PHF24: variants seen among roughly 807,000 people sequenced by gnomAD.
The protein encoded by PHF24 is PHD finger protein 24.
A neutral mutation model predicts 42.6 loss-of-function variants in PHF24; 25 were observed. The observed-to-expected ratio is 0.59, with a 90% CI of 0.43 to 0.82. The LOEUF (loss-of-function observed/expected upper bound fraction) is 0.82, where lower values mean the gene tolerates loss of function less well. PHF24 is among the 40% of genes least tolerant of loss of function. The pLI is 0.00. For synonymous variants in PHF24, 185 were observed against 204.8 expected, an observed-to-expected ratio of 0.90 and a Z score of 0.83; for missense variants, 470 against 538.1, an observed-to-expected ratio of 0.87 and a Z score of 1.25.
chr9:34,813,277 C>T, the PHF24 span, among the ~76,000 whole-genome samples: 92 of 152,282 alleles, frequency 6.0e-4, no homozygotes, highest in Non-Finnish European at 1.1e-3. Context: ...TGTTCAAATT[C>T]CATGCTACCC....
the PHF24 span, among the ~76,000 whole-genome samples, chr9:34,901,196 A>G: frequency 6.6e-6 from 1 of 152,230 alleles, no homozygotes; most frequent in African/African-American, 2.4e-5. Flanking sequence ...AATTCTACAT[A>G]AATTCTTTCA....
the PHF24 span, among the ~76,000 whole-genome samples, chr9:34,845,797 T>G: frequency 3.0e-5 from 4 of 134,866 alleles, no homozygotes; most frequent in Non-Finnish European, 6.1e-5. Flanking sequence ...CCCCTTCCTG[T>G]GTCCATGTGT....
chr9:34,907,093 C>T, the PHF24 span, among the ~76,000 whole-genome samples: 1 of 152,180 alleles, frequency 6.6e-6, no homozygotes, highest in Non-Finnish European at 1.5e-5. Context: ...TCCCAAAGGG[C>T]TAGGACTACA....
chr9:34,832,415 G>T, the PHF24 span: 1 of 1,251,828 alleles, frequency 8.0e-7, no homozygotes, highest in Middle Eastern at 1.9e-4. Context: ...GAAGCTTATT[G>T]TCTAGGGACT....
the PHF24 span, among the ~76,000 whole-genome samples, chr9:34,704,415 G>A: frequency 3.4e-3 from 525 of 152,302 alleles, 2 homozygotes; most frequent in African/African-American, 0.012. Flanking sequence ...GGAGTGAACC[G>A]GGAGAAGCAG....
chr9:34,929,966 T>A, the PHF24 span, among the ~76,000 whole-genome samples: 1 of 152,256 alleles, frequency 6.6e-6, no homozygotes, highest in African/African-American at 2.4e-5. Context: ...TGCTATTATA[T>A]TTGCATTTCA....
chr9:34,803,200 A>G, the PHF24 span, among the ~76,000 whole-genome samples: 4 of 152,158 alleles, frequency 2.6e-5, no homozygotes. Flanking sequence ...CCAGGTGGTG[A>G]CCCAGTATTA....
chr9:34,917,246 G>C, the PHF24 span: 1 of 1,212,578 alleles, frequency 8.2e-7, no homozygotes, highest in Non-Finnish European at 1.2e-6. Context: ...CTCAGGGTGA[G>C]AAAGTCCGGG....
At chr9:34,819,190 A>G in the PHF24 span, among the ~76,000 whole-genome samples, 1 of 151,872 alleles carries the variant, frequency 6.6e-6, no homozygotes, top group African/African-American at 2.4e-5. Context: ...TTTTTACTGG[A>G]TCAATCTGAC....
At chr9:34,896,415 C>T in the PHF24 span, among the ~76,000 whole-genome samples, 1 of 152,108 alleles carries the variant, frequency 6.6e-6, no homozygotes, top group Non-Finnish European at 1.5e-5. Flanking sequence ...CGTGGTCCAG[C>T]CTGAGATGGG....
the PHF24 span, among the ~76,000 whole-genome samples, chr9:34,873,580 C>G: frequency 6.6e-6 from 1 of 151,998 alleles, no homozygotes; most frequent in Non-Finnish European, 1.5e-5. Context: ...GTTTTGGTAA[C>G]AGTACCATGC....
the PHF24 span, among the ~76,000 whole-genome samples, chr9:34,909,656 C>G: frequency 6.7e-6 from 1 of 150,362 alleles, no homozygotes; most frequent in Non-Finnish European, 1.5e-5. Context: ...GAGTCTCGCT[C>G]TGTCGCCCAG....
At chr9:34,823,665 G>A in the PHF24 span, among the ~76,000 whole-genome samples, 1 of 152,106 alleles carries the variant, frequency 6.6e-6, no homozygotes, top group Non-Finnish European at 1.5e-5. Context: ...AAGCTTTGCT[G>A]GAGGTGGAAA....
chr9:34,719,877 G>C, the PHF24 span, among the ~76,000 whole-genome samples: 17 of 152,316 alleles, frequency 1.1e-4, no homozygotes, highest in African/African-American at 3.8e-4. Context: ...GTTGAATGTT[G>C]GTTCAGCAGG....
At chr9:34,931,375 C>CAAAAAAA in the PHF24 span, among the ~76,000 whole-genome samples, 21 of 82,504 alleles carry the variant, frequency 2.5e-4, no homozygotes, top group Middle Eastern at 7.9e-3. Context: ...GACTCTGTAT[C>CAAAAAAA]AAAAAAAAAA....
At chr9:34,814,257 G>GTTTT in the PHF24 span, among the ~76,000 whole-genome samples, 1 of 152,052 alleles carries the variant, frequency 6.6e-6, no homozygotes, top group Non-Finnish European at 1.5e-5. Flanking sequence ...GTTTTGTTTT[G>GTTTT]TCTTGTTTTT....
chr9:34,740,771 A>G, the PHF24 span, among the ~76,000 whole-genome samples: 2 of 152,378 alleles, frequency 1.3e-5, no homozygotes, highest in African/African-American at 4.8e-5. Context: ...CATTAAATAA[A>G]TTATTATATA....
At chr9:34,801,266 T>C in the PHF24 span, among the ~76,000 whole-genome samples, 1 of 152,196 alleles carries the variant, frequency 6.6e-6, no homozygotes, top group South Asian at 2.1e-4. Context: ...GAACCAGAAC[T>C]ACCATTTGAC....
At chr9:34,744,823 C>T in the PHF24 span, among the ~76,000 whole-genome samples, 43 of 152,052 alleles carry the variant, frequency 2.8e-4, no homozygotes, top group Middle Eastern at 0.01. Flanking sequence ...AATACGGAAA[C>T]ATTCCAAGTG....
Sources: gnomAD v4.1 joint callset for allele counts (sites outside exome capture counted in the v4.1 genomes callset) on GRCh38, gnomAD v4.1.1 for gene constraint, MANE v1.5 for transcripts, NCBI Gene and HGNC (gene_info 2026-07-23, HGNC 2026-07-21) for gene names.